Variants in GRIP1 observed in about 807,000 individuals in gnomAD.
GRIP1 encodes glutamate receptor-interacting protein 1.
Under a neutral mutation model 129.9 loss-of-function variants are expected in GRIP1, and 45 were observed. The ratio of observed to expected loss-of-function variants is 0.35; its 90% CI spans 0.27 to 0.44. The LOEUF is 0.44. Among genes scored for constraint, GRIP1 ranks in the 20% least tolerant of loss-of-function variants. The pLI is 1.00. For missense variants in GRIP1, 1,196 were observed against 1,396.8 expected (o/e 0.86, Z 2.29); for synonymous variants, 530 against 520.8 (o/e 1.02, Z -0.24).
chr12:67,046,543 T>C (rs954166183), intron 1 of GRIP1, among the ~76,000 whole-genome samples: 1 of 152,226 alleles, frequency 6.6e-6, no homozygotes, highest in Non-Finnish European at 1.5e-5. Context: ...TAACCTCTGA[T>C]ATAATCAAAA....
At chr12:66,480,847 C>G (rs958087778) in intron 7 of GRIP1, among the ~76,000 whole-genome samples, 2 of 152,194 alleles carry the variant, frequency 1.3e-5, no homozygotes, top group African/African-American at 4.8e-5. Context: ...ATTGGGAAAA[C>G]TGGCTAGCCA....
At position 66,465,383 on chromosome 12, in the gene GRIP1, A is replaced by C; in HGVS notation, c.764T>G (p.Val255Gly). ...ATASGPLLVEVAKTPGASLGV... is the reference protein window; with the variant it reads ...ATASGPLLVEGAKTPGASLGV... ...AAGGCTGGCACCAGGAGTTTTGGCAACTTCGACTAGTAGTGGCCCGGATGC... is the reference window on the plus strand; with the variant it reads ...AAGGCTGGCACCAGGAGTTTTGGCACCTTCGACTAGTAGTGGCCCGGATGC... The change falls in exon 8 of 25, where the codon GTT (valine) becomes GGT (glycine). Residue 255 changes from valine to glycine, a missense_variant. By Grantham distance (109) the Val-to-Gly change is moderately radical. Transcript: ENST00000359742. The C allele has an allele frequency of 6.2e-7, 1 of 1,614,100 alleles. No homozygotes were observed. The highest frequency in any genetic ancestry group is 8.5e-7 in the Non-Finnish European group (1 of 1,179,932).
Position 66,939,500 on chromosome 12 carries a change from C to T in GRIP1, c.58+129550G>A, listed in dbSNP as rs559166825. 7.2e-5 allele frequency among the ~76,000 whole-genome samples: 11 copies of T among 152,206 alleles called. No homozygotes were observed. The East Asian group carries it at 2.1e-3, about 29-fold the overall frequency. ...CAACTAGATAAATTCAATACATATC[C>T]TGGCAAACACAGTAACTAAGTAAAA... On this transcript the variant is annotated intron_variant, in intron 1 of 1. Coordinates refer to the GRIP1 transcript ENST00000643019.
chr12:66,790,705 G>A (rs1442312923), intron 1 of GRIP1, among the ~76,000 whole-genome samples: 1 of 152,068 alleles, frequency 6.6e-6, no homozygotes, highest in African/African-American at 2.4e-5. Flanking sequence ...ATTTGGGTAG[G>A]AGCTAAGGTA....
chr12:66,704,527 C>T (rs2035463142), intron 1 of GRIP1, among the ~76,000 whole-genome samples: 1 of 152,014 alleles, frequency 6.6e-6, no homozygotes, highest in African/African-American at 2.4e-5. Context: ...ACATGAAAAA[C>T]TCTTTAGTAT....
intron 1 of GRIP1, among the ~76,000 whole-genome samples, chr12:66,760,599 G>A (rs1009046806): frequency 6.6e-6 from 1 of 152,172 alleles, no homozygotes; most frequent in Non-Finnish European, 1.5e-5. Context: ...CCATGATTCA[G>A]TTACCTTCCT....
At chr12:66,592,733 T>G (rs987123346) in intron 2 of GRIP1, among the ~76,000 whole-genome samples, 1 of 152,228 alleles carries the variant, frequency 6.6e-6, no homozygotes, top group Non-Finnish European at 1.5e-5. Context: ...GCCTCATCTC[T>G]AAGTGGGCAA....
chr12:66,838,558 C>G (rs2039658776), intron 1 of GRIP1, among the ~76,000 whole-genome samples: 2 of 152,148 alleles, frequency 1.3e-5, no homozygotes, highest in Admixed American at 1.3e-4. Context: ...GTGAACAAAT[C>G]AACTTAGACA....
chr12:66,943,747 T>C (rs1332178081), intron 1 of GRIP1, among the ~76,000 whole-genome samples: 1 of 152,192 alleles, frequency 6.6e-6, no homozygotes, highest in Admixed American at 6.5e-5. Context: ...TGCTTTTTAA[T>C]TAAAAGGATG....
intron 1 of GRIP1, among the ~76,000 whole-genome samples, chr12:66,978,316 C>G (rs942710808): frequency 1.3e-5 from 2 of 152,070 alleles, no homozygotes; most frequent in African/African-American, 4.8e-5. Context: ...AAGCACTATT[C>G]CCTAACATTT....
chr12:66,991,608 A>C (rs2042395711), intron 1 of GRIP1, among the ~76,000 whole-genome samples: 1 of 152,374 alleles, frequency 6.6e-6, no homozygotes, highest in East Asian at 1.9e-4. Context: ...AAACTTGGGC[A>C]CAGCCAATTT....
chr12:66,920,590 TG>T (rs1282323473), intron 1 of GRIP1, among the ~76,000 whole-genome samples: 1 of 152,228 alleles, frequency 6.6e-6, no homozygotes, highest in African/African-American at 2.4e-5. Context: ...GGGGACCTTT[TG>T]ATGTCTGATG....
Position 66,727,308 on chromosome 12 carries a change from G to A in GRIP1, c.-420+76745C>T, listed in dbSNP as rs145874198. ...GGAATAGGTGGGGGCAAATATCCCT[G>A]CCTTGTTGACTTTGGCCAGTGGATT... is the stretch of plus-strand genomic sequence containing the variant. On this transcript the variant is annotated intron_variant, in intron 1 of 4. Transcript: ENST00000538373. Among the ~76,000 whole-genome samples, 510 of 152,294 alleles carry A rather than the reference G, an allele frequency of 3.3e-3. 2 individuals are homozygous for A. Among genetic ancestry groups the A allele is most frequent in the African/African-American group, 0.012 (480 of 41,578 alleles).
chr12:66,650,451 T>C (rs1376427114), intron 1 of GRIP1, among the ~76,000 whole-genome samples: 1 of 152,190 alleles, frequency 6.6e-6, no homozygotes, highest in East Asian at 1.9e-4. Flanking sequence ...AAAATCAAGC[T>C]GTGAGTATGC....
rs561907827 is a variant in GRIP1 at position 66,908,796 on chromosome 12, TTCA to T, written c.58+160251_58+160253del. On this transcript the variant is annotated intron_variant, in intron 1 of 1. Coordinates refer to the GRIP1 transcript ENST00000643019. ...AATAATTTTTAGCCATAAAAATGTCTTCATTGCAGATCTAAGAGTAGTGGAAGC... is the reference window on the plus strand; with the variant it reads ...AATAATTTTTAGCCATAAAAATGTCTTTGCAGATCTAAGAGTAGTGGAAGC... 1.5e-4 allele frequency among the ~76,000 whole-genome samples: 23 copies of T among 152,348 alleles called. 1 individual carries two copies. In the South Asian group the frequency reaches 4.8e-3, roughly 32 times the overall value.
chr12:66,828,162 A>G (rs1279110056), intron 1 of GRIP1, among the ~76,000 whole-genome samples: 1 of 152,188 alleles, frequency 6.6e-6, no homozygotes, highest in Non-Finnish European at 1.5e-5. Context: ...ACATTCACAC[A>G]CTACCTTTTC....
At chr12:66,695,084 C>T (rs754857913) in intron 1 of GRIP1, among the ~76,000 whole-genome samples, 1 of 152,168 alleles carries the variant, frequency 6.6e-6, no homozygotes, top group Non-Finnish European at 1.5e-5. Context: ...CTAACCAAGT[C>T]ATAAAGACCA....
At chr12:66,563,770 G>T (rs12828666) in intron 2 of GRIP1, 62,453 of 151,692 alleles carry the variant, frequency 0.41, 13,018 homozygotes, top group African/African-American at 0.46. Flanking sequence ...TTCCAATTAT[G>T]CATTGTATAT....
At chr12:66,438,869 A>T (rs114420945) in intron 13 of GRIP1, among the ~76,000 whole-genome samples, 1,864 of 152,258 alleles carry the variant, frequency 0.012, 36 homozygotes, top group African/African-American at 0.043. Context: ...GTGTACATTC[A>T]TAAACAAAAC....
Sources: allele counts gnomAD v4.1 joint callset (sites outside exome capture counted in the v4.1 genomes callset), GRCh38; gene constraint gnomAD v4.1.1; transcripts MANE v1.5; gene names NCBI Gene and HGNC (gene_info 2026-07-23, HGNC 2026-07-21).